Variants in SHLD1 observed in about 807,000 individuals in gnomAD.
SHLD1 encodes shieldin complex subunit 1, also known as RINN1-REV7-interacting novel NHEJ regulator 3.
A neutral mutation model predicts 5.5 loss-of-function variants in SHLD1; 3 were observed. The observed-to-expected ratio is 0.54, with a 90% CI of 0.25 to 1.40. The LOEUF is 1.40. SHLD1 is among the 40% of genes most tolerant of loss of function. The pLI is 0.15. For missense variants in SHLD1, 210 were observed against 244.4 expected (o/e 0.86, Z 0.94); for synonymous variants, 92 against 94.3 (o/e 0.98, Z 0.14).
chr20:5,826,014 G>A (rs997351496), intron 2 of SHLD1, among the ~76,000 whole-genome samples: 2 of 152,206 alleles, frequency 1.3e-5, no homozygotes, highest in Non-Finnish European at 2.9e-5. Context: ...AGGAAGGGCT[G>A]CACATGGGTA....
chr20:5,757,988 A>G (rs1245630862), intron 1 of SHLD1, among the ~76,000 whole-genome samples: 2 of 152,100 alleles, frequency 1.3e-5, no homozygotes. Flanking sequence ...ATATGTTGCT[A>G]GATTTGATTT....
rs143171311 is a variant in SHLD1, at chr20:5,831,151, A to G, written c.179-31873A>G. 1.7e-3 allele frequency among the ~76,000 whole-genome samples: 262 copies of G among 152,334 alleles called. 1 individual carries two copies. Among genetic ancestry groups the G allele is most frequent in the African/African-American group, 6.0e-3 (250 of 41,586 alleles). Reference sequence around the variant, plus strand: ...ACCACAGCAGTGCAGACCATTGAAAATGACAGTGATCCAAGGTTAAAGGTC... The same window carrying G: ...ACCACAGCAGTGCAGACCATTGAAAGTGACAGTGATCCAAGGTTAAAGGTC... On this transcript the variant is annotated intron_variant, in intron 2 of 2. Coordinates refer to ENST00000303142, the MANE Select transcript of SHLD1 (RefSeq NM_152504.4).
intron 2 of SHLD1, among the ~76,000 whole-genome samples, chr20:5,823,604 C>T (rs6053727): frequency 0.02 from 2,965 of 151,968 alleles, 110 homozygotes; most frequent in African/African-American, 0.068. Flanking sequence ...CCCGCCACCA[C>T]ACCCAGTTAA....
At chr20:5,790,019 C>T (rs2087116127) in intron 2 of SHLD1, among the ~76,000 whole-genome samples, 1 of 152,202 alleles carries the variant, frequency 6.6e-6, no homozygotes, top group Admixed American at 6.5e-5. Context: ...GGACTTCCTT[C>T]CCCTGCTGAG....
rs2088188743 is a variant in SHLD1, at chr20:5,863,319, C to A, written c.474C>A (p.Ser158=). 1 of 1,614,204 alleles carries A rather than the reference C, an allele frequency of 6.2e-7. No individual in the cohort carries two copies. The highest frequency in any genetic ancestry group is 8.5e-7 in the Non-Finnish European group (1 of 1,180,040). ...ARVIFNRDGC[S]VLQRHSRDTH... is the part of the protein sequence containing the mutation. Reference sequence around the variant, plus strand: ...TGATCTTCAACCGGGACGGCTGCTCCGTCTTACAGAGGCATTCCAGGGACA... The same window carrying A: ...TGATCTTCAACCGGGACGGCTGCTCAGTCTTACAGAGGCATTCCAGGGACA... Residue 158 remains serine (S), a synonymous_variant, in exon 3 of 3, where the codon TCC becomes TCA. Transcript: ENST00000303142.
rs564593770 is a variant in SHLD1, at chr20:5,759,433, G to A, written c.-5+8954G>A. ...CACAACCACGCCCAGATAATTTTTT[G>A]TATTTTTACTAGAGATGGGATTTCA... On this transcript the variant is annotated intron_variant, in intron 1 of 2. Transcript: ENST00000303142. Among the ~76,000 whole-genome samples, 3 of 151,908 alleles carry A rather than the reference G, an allele frequency of 2.0e-5. No individual in the cohort carries two copies. In the East Asian group the frequency reaches 5.8e-4, roughly 29 times the overall value.
intron 2 of SHLD1, among the ~76,000 whole-genome samples, chr20:5,836,699 C>G (rs539169106): frequency 1.5e-5 from 2 of 132,608 alleles, no homozygotes; most frequent in African/African-American, 6.8e-5. Context: ...CCAGTCAGGA[C>G]GTGGGAGGAT....
rs191849284 is a variant in SHLD1 at position 5,806,762 on chromosome 20, A to C, written c.178+33719A>C. Among the ~76,000 whole-genome samples, 9 of 152,284 alleles carry C rather than the reference A, an allele frequency of 5.9e-5. No homozygotes were observed. Among genetic ancestry groups the C allele is most frequent in the Admixed American group, 3.9e-4 (6 of 15,296 alleles). On this transcript the variant is annotated intron_variant, in intron 2 of 2. Transcript: ENST00000303142. This position sits in a 1 kb window ranked among gnomAD's most constrained non-coding sequence, Gnocchi z 7.6. ...TGATGCACTGATCAGTTAAGATACCAACATTTCTTATTTACATCCTGTGTT... is the reference window on the plus strand; with the variant it reads ...TGATGCACTGATCAGTTAAGATACCCACATTTCTTATTTACATCCTGTGTT...
At position 5,781,062 on chromosome 20, in the gene SHLD1, T is replaced by A. The variant is rs1471968500; in HGVS notation, c.178+8019T>A. Reference sequence around the variant, plus strand: ...ATGAGTATGTAAAGATGGGTAAAACTAGGCTATATATGTCTAATAAAGACA... The same window carrying A: ...ATGAGTATGTAAAGATGGGTAAAACAAGGCTATATATGTCTAATAAAGACA... On this transcript the variant is annotated intron_variant, in intron 2 of 2. Coordinates refer to ENST00000303142, the MANE Select transcript of SHLD1 (RefSeq NM_152504.4). 3.9e-5 allele frequency among the ~76,000 whole-genome samples: 6 copies of A among 152,174 alleles called. No homozygotes were observed. The East Asian group carries it at 1.2e-3, about 29-fold the overall frequency.
rs927448434 is a variant in SHLD1 at position 5,855,786 on chromosome 20, G to C, written c.179-7238G>C. ...AAATAGTGTGCCCAGGAAATGTATG[G>C]TAAACTGAATTATTGTTCACCAATA... On this transcript the variant is annotated intron_variant, in intron 2 of 2. Transcript: ENST00000303142. The surrounding 1 kb of genome is among the most constrained non-coding windows in gnomAD (Gnocchi z 4.4). Among the ~76,000 whole-genome samples the C allele has an allele frequency of 3.0e-4, 46 of 152,202 alleles. No homozygotes were observed. Among genetic ancestry groups the C allele is most frequent in the African/African-American group, 1.1e-3 (46 of 41,458 alleles).
At chr20:5,839,486 A>AAGATAGATAGAT (rs3058152) in intron 2 of SHLD1, among the ~76,000 whole-genome samples, 18,419 of 149,866 alleles carry the variant, frequency 0.12, 1,171 homozygotes, top group Admixed American at 0.15. Context: ...ATTAGATAGA[A>AAGATAGATAGAT]AGATAGATAG....
At position 5,855,629 on chromosome 20, in the gene SHLD1, C is replaced by T. The variant is rs1203819315; in HGVS notation, c.179-7395C>T. 6.6e-6 allele frequency among the ~76,000 whole-genome samples: 1 copy of T among 152,190 alleles called. No homozygotes were observed. The highest frequency in any genetic ancestry group is 1.9e-4 in the East Asian group (1 of 5,202). ...TCAAGAGATCCACTTTCCTTGGCCCCCCAAAGTGCTGGGATTATAGACATG... is the reference window on the plus strand; with the variant it reads ...TCAAGAGATCCACTTTCCTTGGCCCTCCAAAGTGCTGGGATTATAGACATG... On this transcript the variant is annotated intron_variant, in intron 2 of 2. Transcript: ENST00000303142. This position sits in a 1 kb window ranked among gnomAD's most constrained non-coding sequence, Gnocchi z 4.4.
intron 2 of SHLD1, among the ~76,000 whole-genome samples, chr20:5,810,983 G>A (rs892462829): frequency 6.6e-6 from 1 of 151,964 alleles, no homozygotes; most frequent in African/African-American, 2.4e-5. Flanking sequence ...ATCCAATGCT[G>A]AGAAGTGCTG....
intron 2 of SHLD1, among the ~76,000 whole-genome samples, chr20:5,851,277 G>A (rs1480461048): frequency 6.6e-6 from 1 of 152,170 alleles, no homozygotes; most frequent in Non-Finnish European, 1.5e-5. Context: ...CTTAAGCCCA[G>A]GAGTTTGAGA....
intron 2 of SHLD1, among the ~76,000 whole-genome samples, chr20:5,854,087 CCT>C (rs1491489673): frequency 6.6e-6 from 1 of 151,750 alleles, no homozygotes; most frequent in Non-Finnish European, 1.5e-5. Flanking sequence ...CTCACTGCAA[CCT>C]CCACCTCCCG....
At chr20:5,797,700 A>G (rs2087232774) in intron 2 of SHLD1, among the ~76,000 whole-genome samples, 3 of 152,210 alleles carry the variant, frequency 2.0e-5, no homozygotes, top group African/African-American at 7.2e-5. Flanking sequence ...TAGTCAAATC[A>G]TATTTGACTG....
At chr20:5,766,235 T>G (rs1451355091) in intron 1 of SHLD1, among the ~76,000 whole-genome samples, 2 of 152,162 alleles carry the variant, frequency 1.3e-5, no homozygotes, top group East Asian at 3.8e-4. Flanking sequence ...TTGCTGAAGC[T>G]TCAGGCTTGG....
At position 5,855,680 on chromosome 20, in the gene SHLD1, A is replaced by G. The variant is rs2088073876; in HGVS notation, c.179-7344A>G. 3.3e-5 allele frequency among the ~76,000 whole-genome samples: 5 copies of G among 152,154 alleles called. No homozygotes were observed. The highest frequency in any genetic ancestry group is 2.0e-4 in the Admixed American group (3 of 15,268). On this transcript the variant is annotated intron_variant, in intron 2 of 2. Transcript: ENST00000303142. The surrounding 1 kb of genome is among the most constrained non-coding windows in gnomAD (Gnocchi z 4.4). ...AGCCGCCGCACCTGGCCTGCCAACCACATTTTATTTATCCATTTATCTGTT... is the reference window on the plus strand; with the variant it reads ...AGCCGCCGCACCTGGCCTGCCAACCGCATTTTATTTATCCATTTATCTGTT...
chr20:5,767,622 A>G (rs896049386), intron 1 of SHLD1, among the ~76,000 whole-genome samples: 3 of 152,220 alleles, frequency 2.0e-5, no homozygotes, highest in Non-Finnish European at 2.9e-5. Flanking sequence ...TAAGTGCGAC[A>G]AGTCCACCTG....
Sources: gnomAD v4.1 joint callset for allele counts (sites outside exome capture counted in the v4.1 genomes callset) on GRCh38, gnomAD v4.1.1 for gene constraint, Gnocchi (gnomAD v3.1) non-coding constraint, MANE v1.5 for transcripts, NCBI Gene and HGNC (gene_info 2026-07-23, HGNC 2026-07-21) for gene names.